The following GREB1 variants were observed in gnomAD, a reference collection of about 807,000 sequenced individuals.
GREB1 encodes growth regulating estrogen receptor binding 1, also known as protein GREB1.
GREB1 carries 106 observed loss-of-function variants against 200.7 expected under a neutral mutation model. The ratio of observed to expected loss-of-function variants is 0.53; its 90% CI spans 0.45 to 0.62. GREB1 has a LOEUF of 0.62. GREB1 is among the 20% of genes least tolerant of loss of function. The pLI is 0.00. For missense variants in GREB1, 2,243 were observed against 2,556.8 expected (o/e 0.88, Z 2.65); for synonymous variants, 1,132 against 1,092.4 (o/e 1.04, Z -0.72).
chr2:11,638,558 A>G (rs1685566839), intron 31 of GREB1, 113 bp from the exon 32 acceptor site: 1 of 856,028 alleles, frequency 1.2e-6, no homozygotes, highest in Non-Finnish European at 1.8e-6. Context: ...TGGCCCCCCA[A>G]AAATCTTGAG....
intron 2 of GREB1, among the ~76,000 whole-genome samples, chr2:11,558,936 T>A (rs548379693): frequency 2.0e-4 from 31 of 152,258 alleles, no homozygotes; most frequent in Admixed American, 1.9e-3. Flanking sequence ...ACCTACCACC[T>A]CCTTTAGGGG....
intron 1 of GREB1, among the ~76,000 whole-genome samples, chr2:11,501,167 GT>G (rs371141445): frequency 1.3e-5 from 2 of 152,096 alleles, no homozygotes; most frequent in African/African-American, 4.8e-5. Flanking sequence ...AACACATTCA[GT>G]TTTTTTTCCT....
chr2:11,589,207 C>T (rs1680485045), intron 10 of GREB1, among the ~76,000 whole-genome samples: 1 of 152,198 alleles, frequency 6.6e-6, no homozygotes, highest in Non-Finnish European at 1.5e-5. Context: ...AGACCCTGTC[C>T]TTGAGGCGAT....
rs1000634068 is a variant in GREB1, at chr2:11,640,073, C to G, written c.5687-218C>G. Among the ~76,000 whole-genome samples, 2 of 152,104 alleles carry G rather than the reference C, an allele frequency of 1.3e-5. No individual in the cohort carries two copies. The highest frequency in any genetic ancestry group is 4.8e-5 in the African/African-American group (2 of 41,406). Reference sequence around the variant, plus strand: ...TCCCTGCTCGGCTTTCCTTCTGCCTCCGTGTTTTCTCCCCCGCACACCTGC... The same window carrying G: ...TCCCTGCTCGGCTTTCCTTCTGCCTGCGTGTTTTCTCCCCCGCACACCTGC... On this transcript the variant is annotated intron_variant, in intron 32 of 32. Transcript: ENST00000381486. The surrounding 1 kb of genome is among the most constrained non-coding windows in gnomAD (Gnocchi z 4.6).
upstream of GREB1, among the ~76,000 whole-genome samples, chr2:11,531,450 A>G (rs541911734): frequency 6.6e-6 from 1 of 152,210 alleles, no homozygotes; most frequent in Non-Finnish European, 1.5e-5. Context: ...AAAGCTGTTT[A>G]TAAAAAATGC....
rs986061960 is a variant in GREB1, at chr2:11,615,632, G to A, written c.3322+342G>A. 9.2e-5 allele frequency among the ~76,000 whole-genome samples: 14 copies of A among 152,292 alleles called. No individual in the cohort carries two copies. The East Asian group carries it at 1.9e-3, about 21-fold the overall frequency. On this transcript the variant is annotated intron_variant, in intron 20 of 32. Coordinates refer to ENST00000381486, the MANE Select transcript of GREB1 (RefSeq NM_014668.4). ...AGTTCAAAATTTCTTAGAGTTCCTC[G>A]TTCCACTCACTGGTGGAATTCCCAC...
At position 11,625,255 on chromosome 2, in the gene GREB1, C is replaced by T; in HGVS notation, c.4249C>T (p.Pro1417Ser). ...KLPFDYIIHD[P>S]KYEDASLICS... ...GCCCTTTGACTACATCATTCACGAC[C>T]CGAAGTATGAAGATGCCAGCCTGAT... Residue 1417 changes from proline (P) to serine (S), a missense_variant, in exon 24 of 33, where the codon CCG becomes TCG. By Grantham distance (74) the Pro-to-Ser change is moderately conservative (BLOSUM62 -1). Around this residue, in one of 3 missense-constraint regions of GREB1, gnomAD observed 587 missense variants for 553.1 expected, o/e 1.06. Coordinates refer to ENST00000381486, the MANE Select transcript of GREB1 (RefSeq NM_014668.4). 6.2e-7 allele frequency: 1 copy of T among 1,614,130 alleles called. No individual in the cohort carries two copies. The highest frequency in any genetic ancestry group is 1.1e-5 in the South Asian group (1 of 91,078).
In GREB1 at chr2:11,627,032, G is replaced by C; in HGVS notation, c.4377G>C (p.Lys1459Asn). 1 of 1,614,108 alleles carries C rather than the reference G, an allele frequency of 6.2e-7. No homozygotes were observed. The highest frequency in any genetic ancestry group is 8.5e-7 in the Non-Finnish European group (1 of 1,179,934). The change falls in exon 25 of 33, where the codon AAG becomes AAC. Residue 1459 changes from lysine to asparagine, a missense_variant. By Grantham distance (94) the Lys-to-Asn change is moderately conservative. Transcript: ENST00000381486. ...RRQTARMRLS[K>N]YAAYNTYHHC... The stretch of plus-strand genomic sequence containing the variant: ...AGACGGCACGGATGAGACTGTCCAA[G>C]TACGCAGCGTACAACACTTACCACC...
chr2:11,567,162 C>T (rs543596706), intron 4 of GREB1, among the ~76,000 whole-genome samples: 8 of 152,286 alleles, frequency 5.3e-5, no homozygotes, highest in Admixed American at 3.9e-4. Context: ...CTCTCTCTGT[C>T]GCCCAGGCTG....
In GREB1 at chr2:11,600,988, G is replaced by A; in HGVS notation, c.2522G>A (p.Cys841Tyr). 1.2e-6 allele frequency: 2 copies of A among 1,608,222 alleles called. No homozygotes were observed. The highest frequency in any genetic ancestry group is 2.2e-5 in the East Asian group (1 of 44,712). The change falls in exon 16 of 33, where the codon TGC (cysteine) becomes TAC (tyrosine). Residue 841 changes from cysteine to tyrosine, a missense_variant. Around this residue, in one of 3 missense-constraint regions of GREB1, gnomAD observed 1,178 missense variants for 1,387.4 expected, o/e 0.85. Transcript: ENST00000381486. ...PYNEIHWPASCSNGVDLYHEN... is the reference protein window; with the variant it reads ...PYNEIHWPASYSNGVDLYHEN... ...AACGAGATCCACTGGCCTGCCTCCT[G>A]CAGTAATGTGAGTGCCACGGGGCTG... is the stretch of plus-strand genomic sequence containing the variant.
Position 11,618,445 on chromosome 2 carries a change from C to T in GREB1, c.3570C>T (p.Ser1190=). ...RASQGPPSAI[S]RHSPGPTPQP... is the part of the protein sequence containing the mutation. ...GTCAGGGGCCACCCTCGGCCATCAG[C>T]AGGCACAGTCCCGGGCCGACGCCCC... The change falls in exon 22 of 33, where the codon AGC becomes AGT. Residue 1190 remains serine, a synonymous_variant. Transcript: ENST00000381486. The T allele has an allele frequency of 6.2e-7, 1 of 1,605,798 alleles. No individual in the cohort carries two copies. Among genetic ancestry groups the T allele is most frequent in the Non-Finnish European group, 8.5e-7 (1 of 1,176,846 alleles).
intron 1 of GREB1, among the ~76,000 whole-genome samples, chr2:11,483,821 C>CT (rs11440506): frequency 1 from 151,420 of 152,056 alleles, 75,402 homozygotes; most frequent in South Asian, 1. Context: ...TGTCAACTCT[C>CT]TTTGATGCCT....
At chr2:11,583,501 A>AT (rs11332067) in intron 7 of GREB1, among the ~76,000 whole-genome samples, 40 of 150,972 alleles carry the variant, frequency 2.6e-4, no homozygotes, top group Admixed American at 8.0e-4. Context: ...TGAAGTGATA[A>AT]TTTTTTTTTT....
chr2:11,625,093 A>G (rs770666466), intron 23 of GREB1, 61 bp from the exon 24 acceptor site: 8 of 1,321,982 alleles, frequency 6.1e-6, no homozygotes, highest in Non-Finnish European at 7.6e-6. Context: ...TTAGCGACAC[A>G]TGACTGTAAA....
intron 17 of GREB1, among the ~76,000 whole-genome samples, chr2:11,608,669 T>C (rs1351379666): frequency 6.6e-6 from 1 of 152,242 alleles, no homozygotes; most frequent in Non-Finnish European, 1.5e-5. Context: ...GTAAGTACTC[T>C]ACAATGTTTC....
chr2:11,582,668 T>A (rs1386383324), intron 7 of GREB1, among the ~76,000 whole-genome samples: 2 of 152,308 alleles, frequency 1.3e-5, no homozygotes, highest in Admixed American at 1.3e-4. Context: ...CATGTGCATC[T>A]TGGAGCCGCT....
chr2:11,513,029 G>T (rs1673394139), intron 1 of GREB1, among the ~76,000 whole-genome samples: 1 of 152,120 alleles, frequency 6.6e-6, no homozygotes, highest in African/African-American at 2.4e-5. Context: ...TGGAGATTTT[G>T]ATAAAGATGA....
At position 11,632,107 on chromosome 2, in the gene GREB1, G is replaced by A. The variant is rs1470908874; in HGVS notation, c.4810G>A (p.Gly1604Arg). 6.2e-7 allele frequency: 1 copy of A among 1,611,226 alleles called. No individual in the cohort carries two copies. Among genetic ancestry groups the A allele is most frequent in the African/African-American group, 1.3e-5 (1 of 74,820 alleles). The change falls in exon 27 of 33, where the codon GGA becomes AGA. Residue 1604 changes from glycine to arginine, a missense_variant. By Grantham distance (125) the Gly-to-Arg change is moderately radical. This residue lies in a region of GREB1 where 478 missense variants were observed against 616.3 expected (regional missense o/e 0.78). Coordinates refer to ENST00000381486, the MANE Select transcript of GREB1 (RefSeq NM_014668.4). ...GCTCCCCAGTATCTTCAACAGTGCT[G>A]GAGTTGGTGAGTGTCCTTTAACATC... ...LVLPSIFNSA[G>R]VGAAHFLIKE...
At chr2:11,496,301 A>G (rs1558483048) in intron 1 of GREB1, among the ~76,000 whole-genome samples, 1 of 152,160 alleles carries the variant, frequency 6.6e-6, no homozygotes, top group African/African-American at 2.4e-5. Flanking sequence ...TTCGATCACC[A>G]CGGATGGGAA....
Sources: allele counts gnomAD v4.1 joint callset (sites outside exome capture counted in the v4.1 genomes callset), GRCh38; gene constraint gnomAD v4.1.1; regional missense constraint gnomAD v4.1.1; non-coding constraint Gnocchi (gnomAD v3.1); transcripts MANE v1.5; gene names NCBI Gene and HGNC (gene_info 2026-07-23, HGNC 2026-07-21).